The following SPACA7 variants were observed in gnomAD, a reference collection of about 807,000 sequenced individuals.
The protein encoded by SPACA7 is sperm acrosome-associated protein 7.
In SPACA7, 19 loss-of-function variants were observed where a neutral mutation model predicts 26.3. The ratio of observed to expected loss-of-function variants is 0.72; its 90% confidence interval spans 0.50 to 1.06. SPACA7 has a LOEUF of 1.06. SPACA7 is among the 50% of genes least tolerant of loss of function. The pLI is 0.00. For missense variants in SPACA7, 211 were observed against 229.9 expected, an observed-to-expected ratio of 0.92 and a Z score of 0.53; for synonymous variants, 84 against 84.5, an observed-to-expected ratio of 0.99 and a Z score of 0.04.
At chr13:112,403,212 T>A (rs1463301599) in intron 5 of SPACA7, among the ~76,000 whole-genome samples, 1 of 152,224 alleles carries the variant, frequency 6.6e-6, no homozygotes, top group African/African-American at 2.4e-5. Flanking sequence ...TAGCCATCTA[T>A]ATTTCCCTAG....
At chr13:112,411,357 G>T (rs978982242) in intron 5 of SPACA7, among the ~76,000 whole-genome samples, 20 of 151,924 alleles carry the variant, frequency 1.3e-4, no homozygotes, top group Admixed American at 1.3e-3. Context: ...TTAACATTTT[G>T]CTATATGCAT....
rs373253878 is a variant in SPACA7, at chr13:112,404,978, C to CTTT, written c.445+3836_445+3838dup. Among the ~76,000 whole-genome samples, 262 of 94,054 alleles carry CTTT rather than the reference C, an allele frequency of 2.8e-3. 2 individuals carry two copies. Among genetic ancestry groups the CTTT allele is most frequent in the East Asian group, 6.3e-3 (17 of 2,710 alleles). 61.7% of individuals were successfully genotyped at this position (94,054 alleles called of 152,430 possible). ...CTAATTAGCTCCATTGTATTCTCTT[C>CTTT]TTTTTTTTTTTTTTTTTTTTTTTTA... On this transcript the variant is annotated intron_variant, in intron 5 of 6. Transcript: ENST00000283550.
chr13:112,406,807 A>G (rs1454538574), intron 5 of SPACA7, among the ~76,000 whole-genome samples: 2 of 152,176 alleles, frequency 1.3e-5, no homozygotes, highest in Non-Finnish European at 2.9e-5. Context: ...TCTTCAGGAG[A>G]TAAATATTCC....
At position 112,398,143 on chromosome 13, in the gene SPACA7, G is replaced by A; in HGVS notation, c.241+5G>A. On this transcript the variant is annotated splice_donor_5th_base_variant and intron_variant, in intron 3 of 6. Coordinates refer to ENST00000283550, the MANE Select transcript of SPACA7 (RefSeq NM_145248.5). Reference sequence around the variant, plus strand: ...CAACATTATCAACACCGTTACGTAAGGAGAAAAGCAAGCACACCCCTTTCT... The same window carrying A: ...CAACATTATCAACACCGTTACGTAAAGAGAAAAGCAAGCACACCCCTTTCT... 1.2e-6 allele frequency: 2 copies of A among 1,610,958 alleles called. No individual in the cohort carries two copies. The highest frequency in any genetic ancestry group is 2.2e-5 in the East Asian group (1 of 44,868).
At chr13:112,410,038 A>G (rs1886244537) in intron 5 of SPACA7, among the ~76,000 whole-genome samples, 1 of 152,188 alleles carries the variant, frequency 6.6e-6, no homozygotes, top group African/African-American at 2.4e-5. Context: ...ATGCAGCCAT[A>G]AAAAAGGATG....
At chr13:112,402,029 T>C (rs1885680037) in intron 5 of SPACA7, among the ~76,000 whole-genome samples, 1 of 152,222 alleles carries the variant, frequency 6.6e-6, no homozygotes, top group South Asian at 2.1e-4. Context: ...CTTTTCTTTT[T>C]CCATGTTTCC....
At chr13:112,417,021 T>C (rs1450229696) in intron 5 of SPACA7, among the ~76,000 whole-genome samples, 1 of 152,200 alleles carries the variant, frequency 6.6e-6, no homozygotes, top group Non-Finnish European at 1.5e-5. Flanking sequence ...ACTTTTTTTT[T>C]TCATTAAGTT....
At chr13:112,400,775 G>A (rs1419998658) in intron 4 of SPACA7, among the ~76,000 whole-genome samples, 2 of 152,168 alleles carry the variant, frequency 1.3e-5, no homozygotes, top group Non-Finnish European at 2.9e-5. Context: ...CAGCTGCAGT[G>A]AGCAGCCTAT....
At chr13:112,387,475 A>G (rs1884602438) in intron 1 of SPACA7, among the ~76,000 whole-genome samples, 1 of 152,210 alleles carries the variant, frequency 6.6e-6, no homozygotes, top group Non-Finnish European at 1.5e-5. Context: ...TCTTAGCACA[A>G]AGTACACCAG....
At chr13:112,416,804 T>G (rs1481890205) in intron 5 of SPACA7, among the ~76,000 whole-genome samples, 5 of 147,934 alleles carry the variant, frequency 3.4e-5, no homozygotes, top group Admixed American at 1.4e-4. Flanking sequence ...TGATTATGAG[T>G]TGTGTGTGTG....
intron 5 of SPACA7, among the ~76,000 whole-genome samples, chr13:112,403,079 A>G (rs1416280988): frequency 6.6e-6 from 1 of 152,040 alleles, no homozygotes; most frequent in Non-Finnish European, 1.5e-5. Context: ...TTGTCTTTTA[A>G]AATTTATGAG....
At chr13:112,433,097 C>T (rs1459869991) in intron 6 of SPACA7, among the ~76,000 whole-genome samples, 1 of 151,994 alleles carries the variant, frequency 6.6e-6, no homozygotes, top group East Asian at 1.9e-4. Context: ...GTGAGGCTGA[C>T]AGCCCTCTTG....
chr13:112,398,102 A>G lies in SPACA7; in HGVS notation c.205A>G (p.Met69Val), dbSNP rs1284432215. ...TCTGAATAAAACAACACCGAGCGAA[A>G]TGCCAAGTACAGCATCAACATTATC... ...LDLNKTTPSE[M>V]PSTASTLSTP... Residue 69 changes from methionine to valine, a missense_variant, in exon 3 of 7, where the codon ATG becomes GTG. Met to Val is a conservative substitution (Grantham distance 21). Coordinates refer to ENST00000283550, the MANE Select transcript of SPACA7 (RefSeq NM_145248.5). 1 of 1,613,940 alleles carries G rather than the reference A, an allele frequency of 6.2e-7. No individual in the cohort carries two copies. Among genetic ancestry groups the G allele is most frequent in the East Asian group, 2.2e-5 (1 of 44,882 alleles).
intron 2 of SPACA7, among the ~76,000 whole-genome samples, chr13:112,395,747 G>C (rs1885204757): frequency 6.6e-6 from 1 of 152,206 alleles, no homozygotes; most frequent in Non-Finnish European, 1.5e-5. Flanking sequence ...TGGGATTACA[G>C]GAGTGAGCCA....
intron 2 of SPACA7, among the ~76,000 whole-genome samples, chr13:112,396,983 T>G (rs1885310782): frequency 6.6e-6 from 1 of 152,068 alleles, no homozygotes; most frequent in Non-Finnish European, 1.5e-5. Flanking sequence ...GCTGGTAGAC[T>G]CCTCCTACCT....
chr13:112,420,912 C>T (rs1483415918), intron 5 of SPACA7, among the ~76,000 whole-genome samples: 1 of 152,060 alleles, frequency 6.6e-6, no homozygotes, highest in Non-Finnish European at 1.5e-5. Flanking sequence ...ATCTAGAGGA[C>T]AGTGGAATGA....
chr13:112,378,224 G>A (rs1883818493), intron 1 of SPACA7, among the ~76,000 whole-genome samples: 1 of 152,176 alleles, frequency 6.6e-6, no homozygotes, highest in South Asian at 2.1e-4. Flanking sequence ...AAAGGCTTCA[G>A]GATCCAGTCC....
chr13:112,378,588 C>G (rs2138846494), intron 1 of SPACA7: 1 of 434,738 alleles, frequency 2.3e-6, no homozygotes, highest in South Asian at 1.7e-5. Context: ...AAAAACTCAC[C>G]ATCAGACTTC....
chr13:112,427,496 C>A (rs749778509), intron 5 of SPACA7, among the ~76,000 whole-genome samples: 2 of 152,118 alleles, frequency 1.3e-5, no homozygotes, highest in Admixed American at 6.5e-5. Context: ...GGACATTGGT[C>A]TGTGGTTTGT....
Sources: gnomAD v4.1 joint callset for allele counts (sites outside exome capture counted in the v4.1 genomes callset) on GRCh38, gnomAD v4.1.1 for gene constraint, MANE v1.5 for transcripts, NCBI Gene and HGNC (gene_info 2026-07-23, HGNC 2026-07-21) for gene names.